CNOT4: variants seen among roughly 807,000 people sequenced by gnomAD.
CNOT4 encodes the protein CCR4-NOT transcription complex subunit 4.
Under a neutral mutation model 73.8 loss-of-function variants are expected in CNOT4, and 8 were observed. That is an observed-to-expected ratio of 0.11 (90% CI 0.06 to 0.20). The LOEUF is 0.20. CNOT4 is among the 10% of genes least tolerant of loss of function. The probability of loss-of-function intolerance (pLI) is 1.00; values close to 1 mark genes in which losing one functional copy is unlikely to be tolerated. For missense variants in CNOT4, 564 were observed against 883.4 expected, an observed-to-expected ratio of 0.64 and a Z score of 4.58; for synonymous variants, 293 against 321.1, an observed-to-expected ratio of 0.91 and a Z score of 0.94.
intron 2 of CNOT4, among the ~76,000 whole-genome samples, chr7:135,431,593 A>G (rs1348307898): frequency 1.3e-5 from 2 of 152,056 alleles, no homozygotes; most frequent in Non-Finnish European, 2.9e-5. Flanking sequence ...AATACAAAAA[A>G]TTAGCCAGGT....
At chr7:135,414,223 C>A in intron 5 of CNOT4, 108 bp downstream of exon 5, 2 of 568,426 alleles carry the variant, frequency 3.5e-6, no homozygotes, top group Non-Finnish European at 6.2e-6. Flanking sequence ...ACAGACTCTT[C>A]AAATTAACTG....
rs572346615 is a variant in CNOT4, at chr7:135,493,223, G to T, written c.-93+16666C>A. Among the ~76,000 whole-genome samples the T allele has an allele frequency of 3.9e-5, 6 of 152,118 alleles. No homozygotes were observed. The East Asian group carries it at 1.2e-3, about 29-fold the overall frequency. ...TTGCTTGTTTGTTTTTAGAGACAGG[G>T]TCTCACTACGTAGGCTAGGCTAGCC... On this transcript the variant is annotated intron_variant, in intron 1 of 11. Transcript: ENST00000541284.
intron 1 of CNOT4, among the ~76,000 whole-genome samples, chr7:135,471,928 T>C (rs1454646299): frequency 6.6e-6 from 1 of 152,054 alleles, no homozygotes; most frequent in Non-Finnish European, 1.5e-5. Context: ...ATCCCAGCAT[T>C]TTGGGAGGCC....
At chr7:135,404,396 G>A (rs1212078882) in intron 7 of CNOT4, among the ~76,000 whole-genome samples, 3 of 152,040 alleles carry the variant, frequency 2.0e-5, no homozygotes, top group African/African-American at 4.8e-5. Flanking sequence ...GCAGACCAGT[G>A]CCCTCTACAC....
chr7:135,471,250 C>T (rs146994379), intron 1 of CNOT4, among the ~76,000 whole-genome samples: 1 of 151,422 alleles, frequency 6.6e-6, no homozygotes, highest in Non-Finnish European at 1.5e-5. Context: ...AGTATGGAAA[C>T]AGAGATAAGA....
At chr7:135,379,842 T>C (rs974034742) in intron 10 of CNOT4, among the ~76,000 whole-genome samples, 2 of 152,184 alleles carry the variant, frequency 1.3e-5, no homozygotes, top group African/African-American at 4.8e-5. Flanking sequence ...TGCCAACATA[T>C]AACACGACAA....
chr7:135,486,252 A>G (rs1471480864), intron 1 of CNOT4, among the ~76,000 whole-genome samples: 2 of 152,166 alleles, frequency 1.3e-5, no homozygotes, highest in African/African-American at 4.8e-5. Context: ...AAAAGACACA[A>G]ACAGACAATT....
chr7:135,509,320 C>T (rs145023043), intron 1 of CNOT4, among the ~76,000 whole-genome samples: 1 of 152,070 alleles, frequency 6.6e-6, no homozygotes, highest in Non-Finnish European at 1.5e-5. Context: ...GTGGCAGATA[C>T]ACTGTGGGCT....
intron 10 of CNOT4, among the ~76,000 whole-genome samples, chr7:135,375,920 G>A (rs985200723): frequency 3.3e-5 from 5 of 151,648 alleles, no homozygotes; most frequent in African/African-American, 9.7e-5. Context: ...GCGAGACTCC[G>A]TCTCAAAAAA....
At position 135,363,620 on chromosome 7, in the gene CNOT4, A is replaced by C. The variant is rs192499985; in HGVS notation, c.1840+234T>G. On this transcript the variant is annotated intron_variant, in intron 11 of 11. Coordinates refer to ENST00000541284, the MANE Select transcript of CNOT4 (RefSeq NM_001190850.2). This position sits in a 1 kb window ranked among gnomAD's most constrained non-coding sequence, Gnocchi z 4.3. The stretch of plus-strand genomic sequence containing the variant: ...AAAATACACATGTTGCCAGATGTTA[A>C]CACCTACTTAAACCAGAAGAAGCAA... Among the ~76,000 whole-genome samples the C allele has an allele frequency of 1.3e-5, 2 of 152,254 alleles. No homozygotes were observed. Among genetic ancestry groups the C allele is most frequent in the Non-Finnish European group, 2.9e-5 (2 of 68,040 alleles).
chr7:135,383,803 T>C (rs1484642463), intron 10 of CNOT4, among the ~76,000 whole-genome samples: 3 of 152,196 alleles, frequency 2.0e-5, no homozygotes, highest in Non-Finnish European at 4.4e-5. Flanking sequence ...TCTAAAATCA[T>C]TCAACTCCCT....
chr7:135,496,090 TTTTG>T (rs1451600886), intron 1 of CNOT4, among the ~76,000 whole-genome samples: 1 of 152,090 alleles, frequency 6.6e-6, no homozygotes, highest in African/African-American at 2.4e-5. Flanking sequence ...ACTAAATAGT[TTTTG>T]TTTTTTTGTT....
chr7:135,451,663 G>A (rs186905211), intron 1 of CNOT4, among the ~76,000 whole-genome samples: 20 of 152,222 alleles, frequency 1.3e-4, no homozygotes, highest in African/African-American at 4.8e-4. Context: ...AACCCTTAGG[G>A]GGAAAAATGA....
At chr7:135,418,001 T>A (rs1018732486) in intron 3 of CNOT4, among the ~76,000 whole-genome samples, 3 of 152,232 alleles carry the variant, frequency 2.0e-5, no homozygotes, top group African/African-American at 7.2e-5. Context: ...TACTACTTAT[T>A]TATCTACTAC....
chr7:135,500,311 C>T (rs1459756047), intron 1 of CNOT4, among the ~76,000 whole-genome samples: 2 of 152,100 alleles, frequency 1.3e-5, no homozygotes, highest in African/African-American at 4.8e-5. Flanking sequence ...TATTCATCTA[C>T]CTCATTTACA....
At chr7:135,410,338 T>C (rs965672755) in intron 7 of CNOT4, among the ~76,000 whole-genome samples, 177 bp downstream of exon 7, 1 of 152,106 alleles carries the variant, frequency 6.6e-6, no homozygotes, top group Non-Finnish European at 1.5e-5. Context: ...CAGGGAAAAG[T>C]AGGCAGCAAG....
chr7:135,414,667 T>C (rs1797754091), intron 4 of CNOT4, among the ~76,000 whole-genome samples: 1 of 152,066 alleles, frequency 6.6e-6, no homozygotes, highest in Non-Finnish European at 1.5e-5. Flanking sequence ...GAATAAAATA[T>C]TACTTTGGCT....
chr7:135,388,731 T>C (rs201835392), intron 10 of CNOT4: 67 of 1,563,422 alleles, frequency 4.3e-5, no homozygotes, highest in Non-Finnish European at 5.8e-5. Context: ...AAAGGAATCA[T>C]GCAAAAATCC....
intron 1 of CNOT4, among the ~76,000 whole-genome samples, chr7:135,450,783 A>G (rs113152473): frequency 0.02 from 3,050 of 152,260 alleles, 108 homozygotes; most frequent in African/African-American, 0.07. Context: ...TAAAATGTCT[A>G]TTGGGAGGGG....
Sources: gnomAD v4.1 joint callset for allele counts (sites outside exome capture counted in the v4.1 genomes callset) on GRCh38, gnomAD v4.1.1 for gene constraint, Gnocchi (gnomAD v3.1) non-coding constraint, MANE v1.5 for transcripts, NCBI Gene and HGNC (gene_info 2026-07-23, HGNC 2026-07-21) for gene names.